SENP7: variants seen among roughly 807,000 people sequenced by gnomAD.
SENP7 encodes sentrin-specific protease 7.
SENP7 carries 64 observed loss-of-function variants against 141.2 expected under a neutral mutation model. That is an observed-to-expected ratio of 0.45 (90% CI 0.37 to 0.56). The LOEUF (loss-of-function observed/expected upper bound fraction) is 0.56, where lower values mean the gene tolerates loss of function less well. Among genes scored for constraint, SENP7 ranks in the 20% least tolerant of loss-of-function variants. The pLI, the probability that SENP7 is intolerant of heterozygous loss-of-function variation, is 0.00. For synonymous variants in SENP7, 382 were observed against 426.4 expected, an observed-to-expected ratio of 0.90 and a Z score of 1.28; for missense variants, 1,025 against 1,212.2, an observed-to-expected ratio of 0.85 and a Z score of 2.29.
chr3:101,469,518 G>A lies in SENP7; in HGVS notation c.187-10466C>T, dbSNP rs145649157. Among the ~76,000 whole-genome samples the A allele has an allele frequency of 5.9e-4, 81 of 136,294 alleles. 4 individuals are homozygous for A. Among genetic ancestry groups the A allele is most frequent in the East Asian group, 2.5e-3 (11 of 4,338 alleles). The allele number at this position is 136,294 out of a possible 152,430, so 89.4% of individuals were successfully genotyped here. On this transcript the variant is annotated intron_variant, in intron 3 of 23. Coordinates refer to ENST00000394095, the MANE Select transcript of SENP7 (RefSeq NM_020654.5). Reference sequence around the variant, plus strand: ...ATAATTCGAAGTAAAGCACTCCTCAGCAAATGTAAAAGAACAGATATCACG... The same window carrying A: ...ATAATTCGAAGTAAAGCACTCCTCAACAAATGTAAAAGAACAGATATCACG...
At chr3:101,327,871 C>T in intron 22 of SENP7, 55 bp from the exon 23 acceptor site, 2 of 1,364,868 alleles carry the variant, frequency 1.5e-6, no homozygotes, top group Non-Finnish European at 1.0e-6. Flanking sequence ...TATCAGTATG[C>T]AACATTTTCA....
chr3:101,379,682 T>C (rs1388154431), intron 6 of SENP7, among the ~76,000 whole-genome samples: 1 of 152,152 alleles, frequency 6.6e-6, no homozygotes, highest in Non-Finnish European at 1.5e-5. Context: ...AAAACAAGTA[T>C]TGGCGAGATA....
At chr3:101,452,562 A>G (rs2063183825) in intron 4 of SENP7, among the ~76,000 whole-genome samples, 1 of 152,252 alleles carries the variant, frequency 6.6e-6, no homozygotes, top group Non-Finnish European at 1.5e-5. Context: ...ATAATGCCGC[A>G]TAACTACAAC....
rs574776532 is a variant in SENP7 at position 101,371,923 on chromosome 3, A to G, written c.796+85T>C. 10 of 488,154 alleles carry G rather than the reference A, an allele frequency of 2.0e-5. 1 individual carries two copies. The East Asian group carries it at 3.5e-4, about 17-fold the overall frequency. 30.2% of individuals were successfully genotyped at this position (488,154 alleles called of 1,614,324 possible). A position where few individuals can be genotyped will look rare whatever the true frequency, so the allele number is the denominator to read the frequency against. ...CTTTCACATATCCTTTCAAAGTAAA[A>G]TAAAATAATTTATTTATAACAAAAA... On this transcript the variant is annotated intron_variant, in intron 7 of 23. Coordinates refer to ENST00000394095, the MANE Select transcript of SENP7 (RefSeq NM_020654.5).
chr3:101,392,101 C>G (rs563666543), intron 6 of SENP7, among the ~76,000 whole-genome samples: 1 of 152,256 alleles, frequency 6.6e-6, no homozygotes, highest in African/African-American at 2.4e-5. Flanking sequence ...GACAAATCCA[C>G]AGCCAAATTA....
At chr3:101,490,548 T>G (rs184616476) in intron 3 of SENP7, among the ~76,000 whole-genome samples, 1,647 of 152,226 alleles carry the variant, frequency 0.011, 110 homozygotes, top group Admixed American at 0.1. Context: ...AAAAATGAAT[T>G]AATTAAAAAT....
At chr3:101,452,497 G>C (rs2063181127) in intron 4 of SENP7, among the ~76,000 whole-genome samples, 1 of 152,232 alleles carries the variant, frequency 6.6e-6, no homozygotes, top group African/African-American at 2.4e-5. Context: ...AAACAGCATG[G>C]TACTGGTACC....
chr3:101,332,151 A>C, intron 18 of SENP7, 42 bp from the exon 19 acceptor site: 1 of 1,586,678 alleles, frequency 6.3e-7, no homozygotes, highest in East Asian at 2.3e-5. Context: ...TGCAAAGTCT[A>C]AACAACATAT....
chr3:101,372,378 T>C (rs967353303), intron 6 of SENP7, among the ~76,000 whole-genome samples: 4 of 152,094 alleles, frequency 2.6e-5, no homozygotes, highest in Non-Finnish European at 4.4e-5. Context: ...ATTGTGTACA[T>C]GCAAAATGAG....
At chr3:101,481,873 A>G (rs576484920) in intron 3 of SENP7, among the ~76,000 whole-genome samples, 6 of 152,338 alleles carry the variant, frequency 3.9e-5, no homozygotes, top group South Asian at 4.1e-4. Flanking sequence ...AGAATGAACA[A>G]AAAAACTGAA....
At chr3:101,464,145 C>T (rs2063682977) in intron 3 of SENP7, among the ~76,000 whole-genome samples, 1 of 152,014 alleles carries the variant, frequency 6.6e-6, no homozygotes, top group African/African-American at 2.4e-5. Flanking sequence ...TTTAAAGTGG[C>T]TATTATACTG....
intron 4 of SENP7, among the ~76,000 whole-genome samples, chr3:101,426,928 G>A (rs1292904901): frequency 6.6e-6 from 1 of 152,164 alleles, no homozygotes. Context: ...ACACAGACCA[G>A]TGACACCATA....
intron 4 of SENP7, among the ~76,000 whole-genome samples, chr3:101,454,085 A>G (rs534067771): frequency 6.6e-6 from 1 of 152,314 alleles, no homozygotes; most frequent in South Asian, 2.1e-4. Flanking sequence ...TCCTTCATAC[A>G]TTGCTGGTGG....
intron 11 of SENP7, among the ~76,000 whole-genome samples, chr3:101,352,595 T>G (rs1333709537): frequency 6.6e-6 from 1 of 152,062 alleles, no homozygotes; most frequent in Non-Finnish European, 1.5e-5. Context: ...ATGTACTATC[T>G]AAAGCAGACT....
chr3:101,438,864 C>T (rs954177725), intron 4 of SENP7, among the ~76,000 whole-genome samples: 6 of 151,750 alleles, frequency 4.0e-5, no homozygotes, highest in Admixed American at 6.6e-5. Context: ...GCTGGAGGAG[C>T]GGACGGGCCC....
intron 4 of SENP7, among the ~76,000 whole-genome samples, chr3:101,418,937 A>G (rs1015641896): frequency 1.3e-5 from 2 of 152,226 alleles, no homozygotes; most frequent in Non-Finnish European, 2.9e-5. Flanking sequence ...ATGCTAGTAT[A>G]ATCTGGAGTT....
intron 17 of SENP7, among the ~76,000 whole-genome samples, chr3:101,334,632 T>G (rs780662176): frequency 1.4e-4 from 21 of 152,244 alleles, no homozygotes; most frequent in South Asian, 2.1e-4. Flanking sequence ...AAGTCACGTT[T>G]ATTGAATTTT....
At chr3:101,476,969 G>C (rs904202049) in intron 3 of SENP7, among the ~76,000 whole-genome samples, 1 of 152,062 alleles carries the variant, frequency 6.6e-6, no homozygotes, top group Non-Finnish European at 1.5e-5. Context: ...TTGTAAATTT[G>C]TTTAAGTTCC....
intron 3 of SENP7, among the ~76,000 whole-genome samples, chr3:101,463,391 A>ATG (rs2063643099): frequency 1.1e-5 from 1 of 94,694 alleles, no homozygotes; most frequent in Non-Finnish European, 2.0e-5. Flanking sequence ...ATATATATAT[A>ATG]TATATACATA....
Sources: gnomAD v4.1 joint callset for allele counts (sites outside exome capture counted in the v4.1 genomes callset) on GRCh38, gnomAD v4.1.1 for gene constraint, MANE v1.5 for transcripts, NCBI Gene and HGNC (gene_info 2026-07-23, HGNC 2026-07-21) for gene names.